Variants in SLC39A1 observed in about 807,000 individuals in gnomAD.
The protein encoded by SLC39A1 is zinc transporter ZIP1.
Under a neutral mutation model 21.4 loss-of-function variants are expected in SLC39A1, and 17 were observed. The observed-to-expected ratio is 0.79, with a 90% CI of 0.54 to 1.19. The LOEUF (loss-of-function observed/expected upper bound fraction) is 1.19, where lower values mean the gene tolerates loss of function less well. SLC39A1 is among the 50% of genes most tolerant of loss of function. The pLI, the probability that SLC39A1 is intolerant of heterozygous loss-of-function variation, is 0.00. For missense variants in SLC39A1, 343 were observed against 399.8 expected, an observed-to-expected ratio of 0.86 and a Z score of 1.21; for synonymous variants, 183 against 185.9, an observed-to-expected ratio of 0.98 and a Z score of 0.13.
In SLC39A1 at chr1:153,959,991, C is replaced by G. The variant is rs1647270665; in HGVS notation, c.*107G>C. 7.1e-7 allele frequency: 1 copy of G among 1,400,146 alleles called. No homozygotes were observed. The highest frequency in any genetic ancestry group is 9.7e-7 in the Non-Finnish European group (1 of 1,034,296). The allele number at this position is 1,400,146 out of a possible 1,614,324, so 86.7% of individuals were successfully genotyped here. On this transcript the variant is annotated 3_prime_UTR_variant, in exon 4 of 4. Transcript: ENST00000356205. Reference sequence around the variant, plus strand: ...TTAGCTCCCAGAGAACTTTTTGGTCCTCAGTATTTCCCTTCCCCTTTCCTT... The same window carrying G: ...TTAGCTCCCAGAGAACTTTTTGGTCGTCAGTATTTCCCTTCCCCTTTCCTT...
Position 153,962,203 on chromosome 1 carries a change from C to T in SLC39A1, c.318+17G>A, listed in dbSNP as rs1647491655. 2 of 1,611,660 alleles carry T rather than the reference C, an allele frequency of 1.2e-6. No individual in the cohort carries two copies. The highest frequency in any genetic ancestry group is 8.5e-7 in the Non-Finnish European group (1 of 1,178,736). ...TGATTCCCCTCCCGCAAGTCACATG[C>T]CCAGGCCAGTGCTCACCGTCACGTG... On this transcript the variant is annotated intron_variant, in intron 3 of 3. Transcript: ENST00000356205.
chr1:153,959,496 A>G lies in SLC39A1; in HGVS notation c.*602T>C, dbSNP rs1468191601. 3 of 390,768 alleles carry G rather than the reference A, an allele frequency of 7.7e-6. No homozygotes were observed. Among genetic ancestry groups the G allele is most frequent in the African/African-American group, 6.2e-5 (3 of 48,462 alleles). 24.2% of individuals were successfully genotyped at this position (390,768 alleles called of 1,614,324 possible). A position where few individuals can be genotyped will look rare whatever the true frequency, so the allele number is the denominator to read the frequency against. The stretch of plus-strand genomic sequence containing the variant: ...CTCAGTGCCACATTACTGTGCTTTG[A>G]GAAAGAGGAAGGGGATTTGTTTGGC... On this transcript the variant is annotated 3_prime_UTR_variant, in exon 4 of 4. Coordinates refer to ENST00000356205, the MANE Select transcript of SLC39A1 (RefSeq NM_001271958.2).
chr1:153,960,369 C>G lies in SLC39A1; in HGVS notation c.704G>C (p.Arg235Thr). 6.2e-7 allele frequency: 1 copy of G among 1,614,004 alleles called. No homozygotes were observed. Among genetic ancestry groups the G allele is most frequent in the Non-Finnish European group, 8.5e-7 (1 of 1,180,048 alleles). Residue 235 changes from arginine to threonine, a missense_variant, in exon 4 of 4, where the codon AGG (arginine) becomes ACG (threonine). Arg to Thr is a moderately conservative substitution (Grantham distance 71). Coordinates refer to ENST00000356205, the MANE Select transcript of SLC39A1 (RefSeq NM_001271958.2). ...LSLRLLQSHL[R>T]AQVVAGCGIL... The stretch of plus-strand genomic sequence containing the variant: ...CCCACAGCCAGCCACCACCTGTGCC[C>G]TAAGGTGGCTCTGCAACAGCCGCAG...
chr1:153,959,534 G>T lies in SLC39A1; in HGVS notation c.*564C>A. On this transcript the variant is annotated 3_prime_UTR_variant, in exon 4 of 4. Transcript: ENST00000356205. ...GGATTTGTTTGGCACTTTAAAAATA[G>T]AGGAGTAAGCAGGACTGGAGAGGCC... is the stretch of plus-strand genomic sequence containing the variant. 2.7e-6 allele frequency: 1 copy of T among 365,514 alleles called. No homozygotes were observed. The highest frequency in any genetic ancestry group is 4.9e-6 in the Non-Finnish European group (1 of 205,282). 22.6% of individuals were successfully genotyped at this position (365,514 alleles called of 1,614,324 possible).
chr1:153,962,802 AGGAATGGGGAAGCTT>A, intron 1 of SLC39A1, 55 bp from the exon 2 acceptor site: 1 of 1,359,356 alleles, frequency 7.4e-7, no homozygotes, highest in South Asian at 1.5e-5. Context: ...AGATGGGGCA[AGGAATGGGGAAGCTT>A]GGTCAGCAGA....
Position 153,960,585 on chromosome 1 carries a change from G to A in SLC39A1, c.488C>T (p.Pro163Leu), listed in dbSNP as rs1371056378. Residue 163 changes from proline to leucine, a missense_variant, in exon 4 of 4, where the codon CCA (proline) becomes CTA (leucine). Coordinates refer to ENST00000356205, the MANE Select transcript of SLC39A1 (RefSeq NM_001271958.2). The part of the protein sequence containing the change: ...NGGPQHWHDG[P>L]GVPQASGAPA... ...GGCTCCACTCGCCTGTGGGACCCCT[G>A]GCCCATCATGCCAATGCTGCGGCCC... 7 of 1,614,176 alleles carry A rather than the reference G, an allele frequency of 4.3e-6. No individual in the cohort carries two copies. Among genetic ancestry groups the A allele is most frequent in the Middle Eastern group, 3.3e-4 (2 of 6,062 alleles).
chr1:153,960,618 A>G lies in SLC39A1; in HGVS notation c.455T>C (p.Val152Ala). 1 of 1,614,162 alleles carries G rather than the reference A, an allele frequency of 6.2e-7. No homozygotes were observed. The highest frequency in any genetic ancestry group is 8.5e-7 in the Non-Finnish European group (1 of 1,180,026). ...LEETRALLGT[V>A]NGGPQHWHDG... The stretch of plus-strand genomic sequence containing the variant: ...ATGCCAATGCTGCGGCCCACCATTC[A>G]CTGTTCCCAGCAGAGCCCTTGTTTC... The change falls in exon 4 of 4, where the codon GTG (valine) becomes GCG (alanine). Residue 152 changes from valine (V) to alanine (A), a missense_variant. Val to Ala is a moderately conservative substitution (Grantham distance 64). Coordinates refer to ENST00000356205, the MANE Select transcript of SLC39A1 (RefSeq NM_001271958.2).
At chr1:153,962,104 T>C (rs1217207853) in intron 3 of SLC39A1, 116 bp downstream of exon 3, 2 of 1,439,474 alleles carry the variant, frequency 1.4e-6, no homozygotes, top group Non-Finnish European at 1.9e-6. Context: ...TCATACCACA[T>C]GCCAAAAGTC....
chr1:153,964,884 G>C (rs1036546553), upstream of SLC39A1: 1 of 152,018 alleles, frequency 6.6e-6, no homozygotes, highest in African/African-American at 2.4e-5. Context: ...AAATTGCAGT[G>C]AGCCGAGATC....
upstream of SLC39A1, chr1:153,967,896 C>CT (rs1647917898): frequency 6.6e-6 from 1 of 152,198 alleles, no homozygotes; most frequent in South Asian, 2.1e-4. Flanking sequence ...TCTCTTGACT[C>CT]TTTCCGCCTT....
chr1:153,959,618 G>A lies in SLC39A1; in HGVS notation c.*480C>T. The A allele has an allele frequency of 3.8e-6, 1 of 264,930 alleles. No homozygotes were observed. The highest frequency in any genetic ancestry group is 6.5e-5 in the East Asian group (1 of 15,300). The allele number at this position is 264,930 out of a possible 1,614,324, so 16.4% of individuals were successfully genotyped here. On this transcript the variant is annotated 3_prime_UTR_variant, in exon 4 of 4. Coordinates refer to ENST00000356205, the MANE Select transcript of SLC39A1 (RefSeq NM_001271958.2). ...TTTGGCGCCAGTCCCCTAGGAGATG[G>A]GAGGAGGGAGATAGGTATGAGGGTA...
At chr1:153,960,940 A>C (rs1317317219) in intron 3 of SLC39A1, among the ~76,000 whole-genome samples, 186 bp from the exon 4 acceptor site, 2 of 152,236 alleles carry the variant, frequency 1.3e-5, no homozygotes, top group East Asian at 3.8e-4. Context: ...GGTGTCACTC[A>C]CAGTGTTACG....
upstream of SLC39A1, chr1:153,966,599 C>T (rs1647799531): frequency 1.3e-5 from 2 of 151,028 alleles, no homozygotes; most frequent in Admixed American, 6.7e-5. Flanking sequence ...CCTCTGCACT[C>T]CAGCCTGGGC....
chr1:153,964,785 C>G (rs1647689054), upstream of SLC39A1: 1 of 152,062 alleles, frequency 6.6e-6, no homozygotes, highest in Non-Finnish European at 1.5e-5. Context: ...ACTAAATATA[C>G]AAAAATTAGC....
Position 153,962,127 on chromosome 1 carries a change from A to G in SLC39A1, c.318+93T>C. On this transcript the variant is annotated intron_variant, in intron 3 of 3. Coordinates refer to ENST00000356205, the MANE Select transcript of SLC39A1 (RefSeq NM_001271958.2). The stretch of plus-strand genomic sequence containing the variant: ...CATGCCAAAAGTCTTCCACACAGTC[A>G]TGGAGTGGCACATGAATCAATCTCC... The G allele has an allele frequency of 2.6e-6, 4 of 1,525,246 alleles. No homozygotes were observed. The South Asian group carries it at 5.0e-5, about 19-fold the overall frequency. The allele number at this position is 1,525,246 out of a possible 1,614,324, so 94.5% of individuals were successfully genotyped here. A position where few individuals can be genotyped will look rare whatever the true frequency, so the allele number is the denominator to read the frequency against.
chr1:153,960,332 T>C lies in SLC39A1; in HGVS notation c.741A>G (p.Ser247=), dbSNP rs748537052. ...QVVAGCGILF[S]CMTPLGIGLG... ...GCCCGATGCCTAGAGGTGTCATGCA[T>C]GAGAAGAGGATCCCACAGCCAGCCA... The change falls in exon 4 of 4, where the codon TCA becomes TCG. Residue 247 remains serine (S), a synonymous_variant. Transcript: ENST00000356205. 3.7e-6 allele frequency: 6 copies of C among 1,614,040 alleles called. No individual in the cohort carries two copies. The highest frequency in any genetic ancestry group is 4.5e-5 in the East Asian group (2 of 44,888).
At chr1:153,965,349 C>A (rs1282464506), upstream of SLC39A1, among the ~76,000 whole-genome samples, 4 of 152,078 alleles carry the variant, frequency 2.6e-5, no homozygotes, top group Non-Finnish European at 4.4e-5. Flanking sequence ...ATCGCTTGAA[C>A]CGGGGAGGCG....
intron 2 of SLC39A1, 65 bp downstream of exon 2, chr1:153,962,464 C>G (rs140644728): frequency 1.9e-6 from 3 of 1,579,224 alleles, no homozygotes; most frequent in South Asian, 2.3e-5. Context: ...GGTCACTCCC[C>G]GCCAGCCCCA....
Position 153,962,275 on chromosome 1 carries a change from A to T in SLC39A1, c.263T>A (p.Leu88Gln), listed in dbSNP as rs767721434. 1.9e-6 allele frequency: 3 copies of T among 1,614,194 alleles called. No individual in the cohort carries two copies. Among genetic ancestry groups the T allele is most frequent in the Non-Finnish European group, 2.5e-6 (3 of 1,180,028 alleles). The change falls in exon 3 of 4, where the codon CTG becomes CAG. Residue 88 changes from leucine to glutamine, a missense_variant. Coordinates refer to ENST00000356205, the MANE Select transcript of SLC39A1 (RefSeq NM_001271958.2). The stretch of plus-strand genomic sequence containing the variant: ...TATGGCAGCCAGGTAGTCAGGCAGC[A>T]GGTCCAGGAGACAAGTGGCCAAAAA... ...GVFLATCLLD[L>Q]LPDYLAAIDE...
Sources: gnomAD v4.1 joint callset for allele counts (sites outside exome capture counted in the v4.1 genomes callset) on GRCh38, gnomAD v4.1.1 for gene constraint, MANE v1.5 for transcripts, NCBI Gene and HGNC (gene_info 2026-07-23, HGNC 2026-07-21) for gene names.